The following VWA5B1 variants were observed in gnomAD, a reference collection of about 807,000 sequenced individuals.
VWA5B1 encodes the protein von Willebrand factor A domain containing 5B1.
Under a neutral mutation model 118.2 loss-of-function variants are expected in VWA5B1, and 115 were observed. The ratio of observed to expected loss-of-function variants is 0.97; its 90% confidence interval spans 0.84 to 1.14. The LOEUF (loss-of-function observed/expected upper bound fraction) is 1.14. Among genes scored for constraint, VWA5B1 ranks in the 50% most tolerant of loss-of-function variants. The probability of loss-of-function intolerance (pLI) is 0.00; values close to 1 mark genes in which losing one functional copy is unlikely to be tolerated. For missense variants in VWA5B1, 1,596 were observed against 1,603.8 expected, an observed-to-expected ratio of 1.00 and a Z score of 0.08; for synonymous variants, 682 against 658.4, an observed-to-expected ratio of 1.04 and a Z score of -0.55.
intron 1 of VWA5B1, 90 bp downstream of exon 1, chr1:20,291,178 ATG>A (rs60319746): frequency 2.0e-4 from 26 of 127,628 alleles, no homozygotes; most frequent in South Asian, 4.8e-4. Flanking sequence ...GTGTGTGTGT[ATG>A]TGTGTGTGTG....
chr1:20,330,209 C>T lies in VWA5B1; in HGVS notation c.1284C>T (p.Ile428=). ...GCTTGGCCATGGCTTGTGATGACATCCAGAGAATGAAGGCCGACATGGGTG... is the reference window on the plus strand; with the variant it reads ...GCTTGGCCATGGCTTGTGATGACATTCAGAGAATGAAGGCCGACATGGGTG... ...EDSLAMACDD[I]QRMKADMGGT... The change falls in exon 10 of 22, where the codon ATC becomes ATT. Residue 428 remains isoleucine (I), a synonymous_variant. Transcript: ENST00000289815. The T allele has an allele frequency of 6.4e-7, 1 of 1,551,728 alleles. No individual in the cohort carries two copies. Among genetic ancestry groups the T allele is most frequent in the South Asian group, 1.2e-5 (1 of 84,062 alleles).
Position 20,310,741 on chromosome 1 carries a change from G to T in VWA5B1, c.139+1G>T, listed in dbSNP as rs1195442520. On this transcript the variant is annotated splice_donor_variant, in intron 2 of 21. Coordinates refer to ENST00000289815, the MANE Select transcript of VWA5B1 (RefSeq NM_001039500.3). LOFTEE classifies it high-confidence loss of function. ...AACCTGGAAGCCCAGCCCTTCCAGG[G>T]TAAGGACACCTGCTGGGGCCTCCCC... 6.5e-7 allele frequency: 1 copy of T among 1,542,390 alleles called. No individual in the cohort carries two copies. The highest frequency in any genetic ancestry group is 2.1e-5 in the Admixed American group (1 of 48,726).
At chr1:20,317,478 C>T in intron 4 of VWA5B1, 52 bp from the exon 5 acceptor site, 13 of 1,539,796 alleles carry the variant, frequency 8.4e-6, no homozygotes, top group Non-Finnish European at 1.1e-5. Flanking sequence ...TCGCGCTGGA[C>T]CCCTTCTTCC....
intron 18 of VWA5B1, among the ~76,000 whole-genome samples, chr1:20,348,725 G>A (rs1016769696): frequency 1.3e-5 from 2 of 152,230 alleles, no homozygotes; most frequent in East Asian, 1.9e-4. Flanking sequence ...GGGAAAAAGC[G>A]AAGAGCGAAG....
In VWA5B1 at chr1:20,332,887, G is replaced by A; in HGVS notation, c.1694G>A (p.Gly565Glu). Residue 565 changes from glycine to glutamate, a missense_variant, in exon 12 of 22, where the codon GGA (glycine) becomes GAA (glutamate). Physicochemically the swap from Gly to Glu is moderately conservative, Grantham distance 98. Transcript: ENST00000289815. Reference sequence around the variant, plus strand: ...GTCAGCGCCAGCTCCCTCTTCCCTGGAGAACGGCTGGTGGGGTATGGCATT... The same window carrying A: ...GTCAGCGCCAGCTCCCTCTTCCCTGAAGAACGGCTGGTGGGGTATGGCATT... ...SPVSASSLFP[G>E]ERLVGYGIVC... The A allele has an allele frequency of 6.4e-7, 1 of 1,552,010 alleles. No homozygotes were observed. Among genetic ancestry groups the A allele is most frequent in the Non-Finnish European group, 8.7e-7 (1 of 1,147,072 alleles).
At position 20,358,395 on chromosome 1, in the gene VWA5B1, C is replaced by T. The variant is rs939158046; in HGVS notation, c.*4132C>T. Among the ~76,000 whole-genome samples, 2 of 152,230 alleles carry T rather than the reference C, an allele frequency of 1.3e-5. No homozygotes were observed. Among genetic ancestry groups the T allele is most frequent in the African/African-American group, 4.8e-5 (2 of 41,456 alleles). The stretch of plus-strand genomic sequence containing the variant: ...GTTAATCCCTACCCTTATTTGAGGG[C>T]CATGCTACTGTTCCCCTTCTCTCTT... On this transcript the variant is annotated 3_prime_UTR_variant, in exon 22 of 22. Coordinates refer to ENST00000289815, the MANE Select transcript of VWA5B1 (RefSeq NM_001039500.3).
intron 3 of VWA5B1, 31 bp from the exon 4 acceptor site, chr1:20,314,291 G>GTA: frequency 1.9e-6 from 3 of 1,547,666 alleles, no homozygotes; most frequent in Non-Finnish European, 2.6e-6. Context: ...GATAATCTAT[G>GTA]TACAGCCCCT....
Position 20,356,401 on chromosome 1 carries a change from C to T in VWA5B1, c.*2138C>T, listed in dbSNP as rs2101039479. Among the ~76,000 whole-genome samples, 1 of 152,292 alleles carries T rather than the reference C, an allele frequency of 6.6e-6. No homozygotes were observed. The highest frequency in any genetic ancestry group is 6.5e-5 in the Admixed American group (1 of 15,298). ...AATTTGCTTGAGTTCTCTGTGTGAC[C>T]TTGAACAAGTGGCGTGTGTGTTCTG... On this transcript the variant is annotated 3_prime_UTR_variant, in exon 22 of 22. Transcript: ENST00000289815.
intron 21 of VWA5B1, among the ~76,000 whole-genome samples, chr1:20,353,400 G>A (rs1265044732): frequency 1.3e-5 from 2 of 152,224 alleles, no homozygotes; most frequent in East Asian, 1.9e-4. Flanking sequence ...GGATTGCAGA[G>A]CGATTTAGAA....
chr1:20,322,159 A>G (rs936209401), intron 7 of VWA5B1, among the ~76,000 whole-genome samples: 2 of 152,188 alleles, frequency 1.3e-5, no homozygotes, highest in Non-Finnish European at 2.9e-5. Flanking sequence ...TTGCTGCAGG[A>G]TGGAATGCGT....
chr1:20,349,465 C>T (rs1171637808), intron 18 of VWA5B1, among the ~76,000 whole-genome samples: 5 of 152,042 alleles, frequency 3.3e-5, no homozygotes, highest in African/African-American at 9.7e-5. Context: ...CTCACTGCAA[C>T]GTCCACCTCC....
At chr1:20,337,058 G>C (rs1403846809) in intron 13 of VWA5B1, among the ~76,000 whole-genome samples, 2 of 152,090 alleles carry the variant, frequency 1.3e-5, no homozygotes, top group African/African-American at 2.4e-5. Flanking sequence ...AATGTGGAGA[G>C]TGTGACACTT....
chr1:20,348,643 C>T (rs1222456900), intron 18 of VWA5B1, among the ~76,000 whole-genome samples: 1 of 152,246 alleles, frequency 6.6e-6, no homozygotes, highest in Non-Finnish European at 1.5e-5. Context: ...GGTCTGCTGA[C>T]CCTGGTGCTG....
intron 1 of VWA5B1, among the ~76,000 whole-genome samples, chr1:20,305,321 G>A (rs1051736957): frequency 2.6e-5 from 4 of 152,102 alleles, no homozygotes; most frequent in African/African-American, 9.7e-5. Flanking sequence ...TGACATGCGG[G>A]ATCAAGGGGT....
intron 11 of VWA5B1, among the ~76,000 whole-genome samples, chr1:20,331,578 T>C (rs796153664): frequency 1.3e-5 from 2 of 152,252 alleles, no homozygotes; most frequent in African/African-American, 2.4e-5. Context: ...GGGAGCAGAA[T>C]TGGGCAAGAG....
rs1433766155 is a variant in VWA5B1, at chr1:20,317,594, C to G, written c.628C>G (p.Leu210Val). The G allele has an allele frequency of 6.4e-7, 1 of 1,551,904 alleles. No homozygotes were observed. Among genetic ancestry groups the G allele is most frequent in the Admixed American group, 2.0e-5 (1 of 51,000 alleles). ...GSWNKLCLAT[L>V]LNTEVSNPME... ...CTGGAATAAGTTGTGCCTGGCGACTCTCCTGAACACCGAAGTGTCCAACCC... is the reference window on the plus strand; with the variant it reads ...CTGGAATAAGTTGTGCCTGGCGACTGTCCTGAACACCGAAGTGTCCAACCC... The change falls in exon 5 of 22, where the codon CTC becomes GTC. Residue 210 changes from leucine (L) to valine (V), a missense_variant. Leu to Val is a conservative substitution (Grantham distance 32). Transcript: ENST00000289815.
chr1:20,301,259 T>C (rs993260654), intron 1 of VWA5B1, among the ~76,000 whole-genome samples: 1 of 152,100 alleles, frequency 6.6e-6, no homozygotes, highest in Non-Finnish European at 1.5e-5. Flanking sequence ...GCCGGAAGGA[T>C]AACCCAAAGA....
intron 19 of VWA5B1, 144 bp downstream of exon 19, chr1:20,350,374 C>T (rs1387643962): frequency 1.4e-4 from 130 of 935,504 alleles, no homozygotes; most frequent in Non-Finnish European, 4.7e-5. Flanking sequence ...ATAGGATTAT[C>T]CCCAATTGAA....
At chr1:20,292,842 C>T in intron 1 of VWA5B1, among the ~76,000 whole-genome samples, 1 of 152,116 alleles carries the variant, frequency 6.6e-6, no homozygotes, top group East Asian at 1.9e-4. Flanking sequence ...GGCTGGTGGT[C>T]ACTGTGCCCG....
Sources: gnomAD v4.1 joint callset for allele counts (sites outside exome capture counted in the v4.1 genomes callset) on GRCh38, gnomAD v4.1.1 for gene constraint, MANE v1.5 for transcripts, NCBI Gene and HGNC (gene_info 2026-07-23, HGNC 2026-07-21) for gene names.